The following CROCC2 variants were observed in gnomAD, a reference collection of about 807,000 sequenced individuals.
The protein encoded by CROCC2 is ciliary rootlet coiled-coil, rootletin family member 2.
Under a neutral mutation model 177.6 loss-of-function variants are expected in CROCC2, and 163 were observed. The ratio of observed to expected loss-of-function variants is 0.92; its 90% CI spans 0.81 to 1.05. The LOEUF (loss-of-function observed/expected upper bound fraction) is 1.05, where lower values mean the gene tolerates loss of function less well. Among genes scored for constraint, CROCC2 ranks in the 50% least tolerant of loss-of-function variants. CROCC2 has a pLI of 0.00. For missense variants in CROCC2, 1,929 were observed against 1,797.8 expected (o/e 1.07, Z -1.32); for synonymous variants, 904 against 787.3 (o/e 1.15, Z -2.48).
intron 1 of CROCC2, among the ~76,000 whole-genome samples, chr2:240,916,739 C>A (rs886754415): frequency 4.6e-5 from 7 of 152,182 alleles, no homozygotes; most frequent in Admixed American, 3.9e-4. Flanking sequence ...CGCCGATGCC[C>A]GGGGGAGCGC....
Position 240,980,988 on chromosome 2 carries a change from A to AGCCCAGGC in CROCC2, c.4402-1892_4402-1891insGCCCAGGC, listed in dbSNP as rs2059794112. On this transcript the variant is annotated intron_variant, in intron 27 of 31. Transcript: ENST00000690015. ...CAGGCTCTGGGGTAGGAGCCTCAGG[A>AGCCCAGGC]TCCCAGACTCATCCCTGCTCAGTCT... is the stretch of plus-strand genomic sequence containing the variant. Among the ~76,000 whole-genome samples the AGCCCAGGC allele has an allele frequency of 2.2e-5, 2 of 89,326 alleles. 1 individual carries two copies. Among genetic ancestry groups the AGCCCAGGC allele is most frequent in the Non-Finnish European group, 4.1e-5 (2 of 49,134 alleles). The allele number at this position is 89,326 out of a possible 152,430, so 58.6% of individuals were successfully genotyped here. A position where few individuals can be genotyped will look rare whatever the true frequency, so the allele number is the denominator to read the frequency against.
At chr2:240,941,923 T>C (rs1465301187) in intron 14 of CROCC2, among the ~76,000 whole-genome samples, 1 of 152,194 alleles carries the variant, frequency 6.6e-6, no homozygotes, top group African/African-American at 2.4e-5. Context: ...GCTTGCAGCA[T>C]CATTTGTGTC....
intron 1 of CROCC2, among the ~76,000 whole-genome samples, chr2:240,911,754 C>T (rs1332556142): frequency 1.3e-5 from 2 of 152,022 alleles, no homozygotes; most frequent in Non-Finnish European, 1.5e-5. Flanking sequence ...TTTGTCCCTT[C>T]GTGGCGGGCT....
chr2:240,962,928 G>T (rs551943701), intron 20 of CROCC2, among the ~76,000 whole-genome samples: 1 of 152,206 alleles, frequency 6.6e-6, no homozygotes, highest in Non-Finnish European at 1.5e-5. Context: ...TGTCCGGAGC[G>T]GGAAACCAAG....
At chr2:240,931,549 G>T (rs984937091) in intron 7 of CROCC2, among the ~76,000 whole-genome samples, 1 of 152,218 alleles carries the variant, frequency 6.6e-6, no homozygotes, top group Admixed American at 6.5e-5. Flanking sequence ...GCCCTCTCTG[G>T]GGGTCTATGA....
intron 27 of CROCC2, among the ~76,000 whole-genome samples, chr2:240,970,329 C>G (rs1477868491): frequency 6.6e-6 from 1 of 152,212 alleles, no homozygotes; most frequent in Non-Finnish European, 1.5e-5. Flanking sequence ...ATTTCATCAG[C>G]CTGGCTCTGG....
intron 14 of CROCC2, 90 bp from the exon 15 acceptor site, chr2:240,945,970 C>G (rs1232909319): frequency 9.8e-7 from 1 of 1,022,300 alleles, no homozygotes; most frequent in Non-Finnish European, 1.4e-6. Context: ...ATCACTTCTT[C>G]TGAAGTCCTT....
In CROCC2 at chr2:240,959,425, G is replaced by C. The variant is rs184411436; in HGVS notation, c.3068G>C (p.Arg1023Pro). Residue 1023 changes from arginine to proline, a missense_variant, in exon 20 of 32, where the codon CGG (arginine) becomes CCG (proline). Arg to Pro is a moderately radical substitution (Grantham distance 103, BLOSUM62 -2). This residue lies in a region of CROCC2 where 1,397 missense variants were observed against 1,239.9 expected (regional missense o/e 1.13). Coordinates refer to ENST00000690015, the MANE Select transcript of CROCC2 (RefSeq NM_001351305.2). ...RESLQDLAAERGDVEREAERL... is the reference protein window; with the variant it reads ...RESLQDLAAEPGDVEREAERL... ...AGCCTCCAGGACCTAGCGGCTGAGC[G>C]GGGCGATGTGGAGAGAGAGGTGAGA... 6 of 1,550,266 alleles carry C rather than the reference G, an allele frequency of 3.9e-6. No individual in the cohort carries two copies. Among genetic ancestry groups the C allele is most frequent in the African/African-American group, 1.4e-5 (1 of 73,052 alleles).
At chr2:240,963,952 T>A (rs1296457688) in intron 21 of CROCC2, 179 bp downstream of exon 21, 12 of 654,580 alleles carry the variant, frequency 1.8e-5, no homozygotes, top group Non-Finnish European at 2.6e-6. Flanking sequence ...TCTGCAATGC[T>A]GGCCAGTGCG....
intron 1 of CROCC2, among the ~76,000 whole-genome samples, chr2:240,915,283 A>G (rs1027166477): frequency 6.6e-6 from 1 of 152,148 alleles, no homozygotes; most frequent in African/African-American, 2.4e-5. Flanking sequence ...GCCAAAGTGC[A>G]GGTGGGACCC....
At position 240,914,537 on chromosome 2, in the gene CROCC2, C is replaced by T. The variant is rs535361971; in HGVS notation, c.79-4189C>T. 3.2e-4 allele frequency among the ~76,000 whole-genome samples: 49 copies of T among 152,364 alleles called. 1 individual carries two copies. The East Asian group carries it at 8.5e-3, about 26-fold the overall frequency. Reference sequence around the variant, plus strand: ...TGGCAGCCCCCTGCAGCGCTCCTCGCGGCCACACGGGGGCACTGTTGGAGC... The same window carrying T: ...TGGCAGCCCCCTGCAGCGCTCCTCGTGGCCACACGGGGGCACTGTTGGAGC... On this transcript the variant is annotated intron_variant, in intron 1 of 31. Coordinates refer to ENST00000690015, the MANE Select transcript of CROCC2 (RefSeq NM_001351305.2).
At position 240,968,216 on chromosome 2, in the gene CROCC2, A is replaced by G; in HGVS notation, c.4355A>G (p.His1452Arg). The change falls in exon 27 of 32, where the codon CAC becomes CGC. Residue 1452 changes from histidine to arginine, a missense_variant. Physicochemically the swap from His to Arg is conservative, Grantham distance 29. Around this residue, in one of 3 missense-constraint regions of CROCC2, gnomAD observed 388 missense variants for 352.7 expected, o/e 1.10. Transcript: ENST00000690015. ...KEALRRLELEHLASVRAAGQE... is the reference protein window; with the variant it reads ...KEALRRLELERLASVRAAGQE... ...GCGCTCCGCAGGCTGGAGTTGGAGC[A>G]CCTGGCGAGCGTGCGTGCGGCAGGC... 3 of 1,533,234 alleles carry G rather than the reference A, an allele frequency of 2.0e-6. No homozygotes were observed. The highest frequency in any genetic ancestry group is 2.6e-6 in the Non-Finnish European group (3 of 1,145,466). 95.0% of individuals were successfully genotyped at this position (1,533,234 alleles called of 1,614,324 possible). A position where few individuals can be genotyped will look rare whatever the true frequency, so the allele number is the denominator to read the frequency against.
At position 240,934,447 on chromosome 2, in the gene CROCC2, G is replaced by A; in HGVS notation, c.1763G>A (p.Arg588Lys). The A allele has an allele frequency of 1.9e-6, 3 of 1,548,414 alleles. No homozygotes were observed. The highest frequency in any genetic ancestry group is 2.6e-6 in the Non-Finnish European group (3 of 1,146,816). ...CAGCGGGATGTCGTGGAGAGTGAGA[G>A]GGAGGGACTGCGCAGCGCCCTGGCG... is the stretch of plus-strand genomic sequence containing the variant. ...QLQRDVVESE[R>K]EGLRSALARA... is the part of the protein sequence containing the mutation. Residue 588 changes from arginine (R) to lysine (K), a missense_variant, in exon 12 of 32, where the codon AGG (arginine) becomes AAG (lysine). Coordinates refer to ENST00000690015, the MANE Select transcript of CROCC2 (RefSeq NM_001351305.2).
rs1473757039 is a variant in CROCC2, at chr2:240,982,548, C to G, written c.4402-332C>G. The G allele has an allele frequency of 4.6e-6, 1 of 217,642 alleles. No homozygotes were observed. Among genetic ancestry groups the G allele is most frequent in the Non-Finnish European group, 9.0e-6 (1 of 111,452 alleles). 13.5% of individuals were successfully genotyped at this position (217,642 alleles called of 1,614,324 possible). A position where few individuals can be genotyped will look rare whatever the true frequency, so the allele number is the denominator to read the frequency against. On this transcript the variant is annotated intron_variant, in intron 27 of 31. Transcript: ENST00000690015. This position sits in a 1 kb window ranked among gnomAD's most constrained non-coding sequence, Gnocchi z 4.7. ...CCAAGGGCAGTAGGAGCCACCAAGGCTGGAGGCAGGGCAGGGATGCCACTG... is the reference window on the plus strand; with the variant it reads ...CCAAGGGCAGTAGGAGCCACCAAGGGTGGAGGCAGGGCAGGGATGCCACTG...
rs1281707864 is a variant in CROCC2 at position 240,921,493 on chromosome 2, C to T, written c.382-1046C>T. Among the ~76,000 whole-genome samples, 4 of 152,258 alleles carry T rather than the reference C, an allele frequency of 2.6e-5. No individual in the cohort carries two copies. The East Asian group carries it at 5.8e-4, about 22-fold the overall frequency. The stretch of plus-strand genomic sequence containing the variant: ...GGGTGGGGAGATGTTGGGAACAGGC[C>T]AGTGGGAATAGAAGCCACAGAAATG... On this transcript the variant is annotated intron_variant, in intron 3 of 31. Transcript: ENST00000690015.
chr2:240,925,791 G>A lies in CROCC2; in HGVS notation c.556G>A (p.Asp186Asn). 1 of 717,044 alleles carries A rather than the reference G, an allele frequency of 1.4e-6. No individual in the cohort carries two copies. 44.4% of individuals were successfully genotyped at this position (717,044 alleles called of 1,614,324 possible). Residue 186 changes from aspartate to asparagine, a missense_variant, in exon 5 of 32, where the codon GAC becomes AAC. This residue lies in a region of CROCC2 where 1,397 missense variants were observed against 1,239.9 expected (regional missense o/e 1.13). Transcript: ENST00000690015. ...EQLEHMKKAN[D>N]ALGRELAGMT... ...GCTGGAACATATGAAGAAGGCCAAT[G>A]ACGCGCTGGGCCGGGAGCTGGCCGG... is the stretch of plus-strand genomic sequence containing the variant.
Position 240,949,468 on chromosome 2 carries a change from G to A in CROCC2, c.2483-65G>A. On this transcript the variant is annotated intron_variant, in intron 16 of 31. Coordinates refer to ENST00000690015, the MANE Select transcript of CROCC2 (RefSeq NM_001351305.2). This position sits in a 1 kb window ranked among gnomAD's most constrained non-coding sequence, Gnocchi z 4.5. ...TGCCCCCAAGACTGTCACTCCCTAG[G>A]AAGTCCCAAAGGGTTCAGGGGTCCA... The A allele has an allele frequency of 6.6e-7, 1 of 1,516,630 alleles. No individual in the cohort carries two copies. Among genetic ancestry groups the A allele is most frequent in the Non-Finnish European group, 8.9e-7 (1 of 1,121,832 alleles). The allele number at this position is 1,516,630 out of a possible 1,614,324, so 93.9% of individuals were successfully genotyped here. A position where few individuals can be genotyped will look rare whatever the true frequency, so the allele number is the denominator to read the frequency against.
rs966616011 is a variant in CROCC2, at chr2:240,918,275, G to A, written c.79-451G>A. 1.3e-5 allele frequency among the ~76,000 whole-genome samples: 2 copies of A among 152,108 alleles called. No homozygotes were observed. Among genetic ancestry groups the A allele is most frequent in the African/African-American group, 2.4e-5 (1 of 41,412 alleles). On this transcript the variant is annotated intron_variant, in intron 1 of 31. Coordinates refer to ENST00000690015, the MANE Select transcript of CROCC2 (RefSeq NM_001351305.2). This position sits in a 1 kb window ranked among gnomAD's most constrained non-coding sequence, Gnocchi z 6.3. ...AAACACACTGGGCTCTGTGACTGCT[G>A]CGTGGGATCTAGGTCCCTCCTCTGG...
rs1165198493 is a variant in CROCC2 at position 240,917,903 on chromosome 2, C to T, written c.79-823C>T. On this transcript the variant is annotated intron_variant, in intron 1 of 31. Transcript: ENST00000690015. This position sits in a 1 kb window ranked among gnomAD's most constrained non-coding sequence, Gnocchi z 4.9. ...ATTTCACCTGGCAGGAGTCCCCTGC[C>T]CTGGGGTCCCGGCCCTCCCCAAGCT... Among the ~76,000 whole-genome samples, 1 of 152,146 alleles carries T rather than the reference C, an allele frequency of 6.6e-6. No individual in the cohort carries two copies. The highest frequency in any genetic ancestry group is 1.5e-5 in the Non-Finnish European group (1 of 67,990).
Sources: gnomAD v4.1 joint callset for allele counts (sites outside exome capture counted in the v4.1 genomes callset) on GRCh38, gnomAD v4.1.1 for gene constraint, gnomAD v4.1.1 regional missense constraint, Gnocchi (gnomAD v3.1) non-coding constraint, MANE v1.5 for transcripts, NCBI Gene and HGNC (gene_info 2026-07-23, HGNC 2026-07-21) for gene names.